Variants in PLA2G2D observed in about 807,000 individuals in gnomAD.
PLA2G2D encodes phospholipase A2 group IID.
In PLA2G2D, 17 loss-of-function variants were observed where a neutral mutation model predicts 13.9. The observed-to-expected ratio is 1.23, with a 90% confidence interval of 0.84 to 1.84. PLA2G2D has a LOEUF of 1.84. Among genes scored for constraint, PLA2G2D ranks in the 40% most tolerant of loss-of-function variants. PLA2G2D has a pLI of 0.00. For missense variants in PLA2G2D, 194 were observed against 178.7 expected (o/e 1.09, Z -0.49); for synonymous variants, 83 against 69.3 (o/e 1.20, Z -0.98).
chr1:20,114,268 G>C lies in PLA2G2D; in HGVS notation c.293-9C>G, dbSNP rs116777363. Reference sequence around the variant, plus strand: ...CCAGCTTCCCTTGTCAGCTGTGGACGGAGAAGGGGGAGCTATGTGTTTGTC... The same window carrying C: ...CCAGCTTCCCTTGTCAGCTGTGGACCGAGAAGGGGGAGCTATGTGTTTGTC... On this transcript the variant is annotated splice_polypyrimidine_tract_variant and intron_variant, in intron 3 of 3. Transcript: ENST00000375105. The C allele has an allele frequency of 1.2e-5, 19 of 1,611,008 alleles. No individual in the cohort carries two copies. Among genetic ancestry groups the C allele is most frequent in the Non-Finnish European group, 1.4e-5 (17 of 1,178,210 alleles).
intron 1 of PLA2G2D, among the ~76,000 whole-genome samples, chr1:20,117,957 A>T (rs1369052316): frequency 6.6e-6 from 1 of 152,014 alleles, no homozygotes; most frequent in East Asian, 1.9e-4. Flanking sequence ...CGTCCCCTCA[A>T]TGTGTGGGAG....
chr1:20,115,387 A>C, intron 3 of PLA2G2D, 120 bp downstream of exon 3: 4 of 699,594 alleles, frequency 5.7e-6, no homozygotes, highest in South Asian at 1.6e-5. Context: ...GCCCAACTGC[A>C]GCCAGTGGAC....
intron 3 of PLA2G2D, 49 bp downstream of exon 3, chr1:20,115,457 AT>A (rs2016965344): frequency 9.5e-7 from 1 of 1,057,160 alleles, no homozygotes; most frequent in African/African-American, 1.6e-5. Context: ...TGGGGGCCAG[AT>A]CTCCCTTCCT....
rs181787831 is a variant in PLA2G2D at position 20,116,374 on chromosome 1, G to A, written c.144C>T (p.Cys48=). 2.1e-5 allele frequency: 34 copies of A among 1,614,016 alleles called. No homozygotes were observed. The highest frequency in any genetic ancestry group is 1.6e-4 in the Middle Eastern group (1 of 6,082). Residue 48 remains cysteine, a synonymous_variant, in exon 2 of 4, where the codon TGC becomes TGT. Transcript: ENST00000375105. ...TGGGTTGGCCTCTGCCACCTAGTCC[G>A]CAGTGACAGCCGTAGGGCCAGTAGG... The part of the protein sequence containing the change: ...ILSYWPYGCH[C]GLGGRGQPKD...
chr1:20,114,329 C>G (rs551347856), intron 3 of PLA2G2D, 70 bp from the exon 4 acceptor site: 13 of 1,498,474 alleles, frequency 8.7e-6, no homozygotes, highest in Admixed American at 3.7e-5. Context: ...AGTCTAGCAG[C>G]CTCTGAAGTC....
At position 20,114,044 on chromosome 1, in the gene PLA2G2D, G is replaced by C; in HGVS notation, c.*70C>G. The stretch of plus-strand genomic sequence containing the variant: ...CCGGAGTGTTTGAAAAGCCAGGCTG[G>C]TTCAGGTTAGATACTGAGGTGGGGA... On this transcript the variant is annotated 3_prime_UTR_variant, in exon 4 of 4. Coordinates refer to ENST00000375105, the MANE Select transcript of PLA2G2D (RefSeq NM_012400.4). 2 of 1,471,010 alleles carry C rather than the reference G, an allele frequency of 1.4e-6. No homozygotes were observed. Among genetic ancestry groups the C allele is most frequent in the East Asian group, 2.3e-5 (1 of 43,366 alleles). 91.1% of individuals were successfully genotyped at this position (1,471,010 alleles called of 1,614,324 possible). A position where few individuals can be genotyped will look rare whatever the true frequency, so the allele number is the denominator to read the frequency against.
At chr1:20,116,542 C>G in intron 1 of PLA2G2D, 65 bp from the exon 2 acceptor site, 1 of 1,507,468 alleles carries the variant, frequency 6.6e-7, no homozygotes, top group Non-Finnish European at 9.2e-7. Flanking sequence ...CCAATGGGCA[C>G]AGGACGGCAC....
intron 1 of PLA2G2D, among the ~76,000 whole-genome samples, chr1:20,118,049 A>C (rs1203234502): frequency 6.6e-6 from 1 of 152,122 alleles, no homozygotes; most frequent in East Asian, 1.9e-4. Flanking sequence ...CTTTGGCTGC[A>C]CTGGTGAAGG....
chr1:20,118,278 G>T (rs2017027849), intron 1 of PLA2G2D, among the ~76,000 whole-genome samples: 1 of 152,186 alleles, frequency 6.6e-6, no homozygotes, highest in Non-Finnish European at 1.5e-5. Flanking sequence ...ACACCTGAAT[G>T]ATGCAGCTCT....
At chr1:20,119,111 C>T (rs1279611099) in intron 1 of PLA2G2D, among the ~76,000 whole-genome samples, 4 of 152,138 alleles carry the variant, frequency 2.6e-5, no homozygotes, top group South Asian at 2.1e-4. Context: ...GCTATGCATT[C>T]GTACGGGTTG....
In PLA2G2D at chr1:20,115,565, C is replaced by G. The variant is rs1162743295; in HGVS notation, c.234G>C (p.Gly78=). Residue 78 remains glycine (G), a synonymous_variant, in exon 3 of 4, where the codon GGG becomes GGC. Coordinates refer to ENST00000375105, the MANE Select transcript of PLA2G2D (RefSeq NM_012400.4). The part of the protein sequence containing the change: ...DCCYDHLKTQ[G]CSIYKDYYRY... ...TGTAATAGTCCTTGTAGATGCTGCA[C>G]CCCTGGGTCTTCAGGTGGTCATAGC... 1 of 1,613,028 alleles carries G rather than the reference C, an allele frequency of 6.2e-7. No homozygotes were observed. The highest frequency in any genetic ancestry group is 8.5e-7 in the Non-Finnish European group (1 of 1,179,028).
chr1:20,118,183 C>T (rs956714376), intron 1 of PLA2G2D, among the ~76,000 whole-genome samples: 2 of 152,176 alleles, frequency 1.3e-5, no homozygotes, highest in Non-Finnish European at 2.9e-5. Context: ...CAGAATCTTG[C>T]CTTTCTTAGG....
chr1:20,117,140 A>G (rs2017006045), intron 1 of PLA2G2D, among the ~76,000 whole-genome samples: 1 of 152,178 alleles, frequency 6.6e-6, no homozygotes, highest in African/African-American at 2.4e-5. Context: ...CCCTCAGCCA[A>G]TTTCCTCAAA....
chr1:20,115,462 C>T (rs1468393295), intron 3 of PLA2G2D, 45 bp downstream of exon 3: 2 of 1,133,108 alleles, frequency 1.8e-6, no homozygotes, highest in Non-Finnish European at 2.7e-6. Flanking sequence ...GCCAGATCTC[C>T]CTTCCTGGGG....
chr1:20,115,995 G>A (rs1162218306), intron 2 of PLA2G2D, among the ~76,000 whole-genome samples: 2 of 152,140 alleles, frequency 1.3e-5, no homozygotes, highest in African/African-American at 2.4e-5. Flanking sequence ...TGACTCCCAG[G>A]GTTGTTATGA....
Position 20,112,745 on chromosome 1 carries a change from G to C in PLA2G2D, c.*1369C>G, listed in dbSNP as rs759926244. On this transcript the variant is annotated 3_prime_UTR_variant, in exon 4 of 4. Coordinates refer to ENST00000375105, the MANE Select transcript of PLA2G2D (RefSeq NM_012400.4). The stretch of plus-strand genomic sequence containing the variant: ...AGGCCAAGGGGTCAGACCAAGCAGA[G>C]AGGTGGTTCCAGGAGAGGCCTGGCC... 49 of 152,258 alleles carry C rather than the reference G, an allele frequency of 3.2e-4. No homozygotes were observed. The highest frequency in any genetic ancestry group is 9.9e-4 in the African/African-American group (41 of 41,444). 9.4% of individuals were successfully genotyped at this position (152,258 alleles called of 1,614,324 possible).
At chr1:20,114,352 A>C in intron 3 of PLA2G2D, 93 bp from the exon 4 acceptor site, 2 of 1,354,298 alleles carry the variant, frequency 1.5e-6, no homozygotes, top group South Asian at 2.8e-5. Flanking sequence ...TGCAGTTCCT[A>C]CTCAGTCGTA....
intron 1 of PLA2G2D, among the ~76,000 whole-genome samples, chr1:20,117,445 G>GGCA (rs2017013566): frequency 6.6e-6 from 1 of 152,102 alleles, no homozygotes; most frequent in African/African-American, 2.4e-5. Flanking sequence ...TCTTCTGGGA[G>GGCA]GCAGCATGAT....
At chr1:20,115,893 A>C (rs538452580) in intron 2 of PLA2G2D, among the ~76,000 whole-genome samples, 48 of 152,280 alleles carry the variant, frequency 3.2e-4, no homozygotes, top group African/African-American at 1.1e-3. Flanking sequence ...AGACTCGGGG[A>C]GGTCAAGACA....
Sources: allele counts gnomAD v4.1 joint callset (sites outside exome capture counted in the v4.1 genomes callset), GRCh38; gene constraint gnomAD v4.1.1; transcripts MANE v1.5; gene names NCBI Gene and HGNC (gene_info 2026-07-23, HGNC 2026-07-21).